The following BCAS3 variants were observed in gnomAD, a reference collection of about 807,000 sequenced individuals.
BCAS3 encodes the protein BCAS3 microtubule associated cell migration factor, also known as BCAS4/BCAS3 fusion.
BCAS3 carries 53 observed loss-of-function variants against 116.1 expected under a neutral mutation model. The observed-to-expected ratio is 0.46, with a 90% CI of 0.37 to 0.57. The LOEUF (loss-of-function observed/expected upper bound fraction) is 0.57, where lower values mean the gene tolerates loss of function less well. BCAS3 is among the 20% of genes least tolerant of loss of function. The pLI is 0.00. For synonymous variants in BCAS3, 391 were observed against 408.2 expected (o/e 0.96, Z 0.51); for missense variants, 917 against 1,165.4 (o/e 0.79, Z 3.10).
intron 22 of BCAS3, among the ~76,000 whole-genome samples, chr17:61,177,799 C>G (rs1191443769): frequency 1.3e-5 from 2 of 152,102 alleles, no homozygotes; most frequent in Non-Finnish European, 2.9e-5. Context: ...ATTATGTATA[C>G]CAATTAATTT....
At chr17:60,949,814 C>G (rs2060735693) in intron 14 of BCAS3, among the ~76,000 whole-genome samples, 1 of 152,152 alleles carries the variant, frequency 6.6e-6, no homozygotes, top group Non-Finnish European at 1.5e-5. Flanking sequence ...TATAGTCTCA[C>G]TTTGGAGAAA....
At position 61,104,632 on chromosome 17, in the gene BCAS3, T is replaced by C. The variant is rs2074530111; in HGVS notation, c.2425+20068T>C. On this transcript the variant is annotated intron_variant, in intron 22 of 23. Coordinates refer to ENST00000407086, the MANE Select transcript of BCAS3 (RefSeq NM_017679.5). The surrounding 1 kb of genome is among the most constrained non-coding windows in gnomAD (Gnocchi z 4.1). ...GCGCCTTGAGCTCCAAATCGGGTAT[T>C]ACATGTCACCCTGTGAAAGATCCTC... 6.6e-6 allele frequency among the ~76,000 whole-genome samples: 1 copy of C among 152,198 alleles called. No individual in the cohort carries two copies. Among genetic ancestry groups the C allele is most frequent in the Non-Finnish European group, 1.5e-5 (1 of 68,034 alleles).
At chr17:60,989,893 A>G (rs1245201417) in intron 14 of BCAS3, 78 bp from the exon 15 acceptor site, 18 of 1,442,196 alleles carry the variant, frequency 1.2e-5, no homozygotes, top group Admixed American at 1.9e-5. Context: ...TTATATTCAT[A>G]TTTGGTGATG....
intron 22 of BCAS3, among the ~76,000 whole-genome samples, chr17:61,360,010 C>CTT (rs372435627): frequency 0.23 from 32,718 of 140,444 alleles, 4,658 homozygotes; most frequent in East Asian, 0.53. Flanking sequence ...CATAACTTTT[C>CTT]TTTTTTTTTT....
chr17:60,997,783 A>G (rs1443017804), intron 15 of BCAS3, among the ~76,000 whole-genome samples: 1 of 152,164 alleles, frequency 6.6e-6, no homozygotes, highest in Non-Finnish European at 1.5e-5. Flanking sequence ...GTTGAATTTC[A>G]TATATTTGCT....
chr17:60,893,670 G>A (rs1039434008), intron 10 of BCAS3, among the ~76,000 whole-genome samples: 10 of 145,364 alleles, frequency 6.9e-5, no homozygotes, highest in Non-Finnish European at 1.3e-4. Context: ...GTGCAGTGGC[G>A]TAATCTCTGC....
At chr17:61,190,142 A>G (rs1183774684) in intron 22 of BCAS3, among the ~76,000 whole-genome samples, 4 of 152,204 alleles carry the variant, frequency 2.6e-5, no homozygotes, top group Non-Finnish European at 5.9e-5. Context: ...TCATTGCTTT[A>G]TAACAGTAAG....
chr17:60,816,804 T>C (rs900445314), intron 7 of BCAS3, among the ~76,000 whole-genome samples: 3 of 152,180 alleles, frequency 2.0e-5, no homozygotes, highest in Admixed American at 2.0e-4. Flanking sequence ...AAATGCAACA[T>C]ATTGTTTTAG....
In BCAS3 at chr17:61,239,644, G is replaced by C. The variant is rs535147770; in HGVS notation, c.2426-128683G>C. 6.6e-6 allele frequency among the ~76,000 whole-genome samples: 1 copy of C among 152,310 alleles called. No individual in the cohort carries two copies. Among genetic ancestry groups the C allele is most frequent in the African/African-American group, 2.4e-5 (1 of 41,574 alleles). On this transcript the variant is annotated intron_variant, in intron 22 of 23. Coordinates refer to ENST00000407086, the MANE Select transcript of BCAS3 (RefSeq NM_017679.5). This position sits in a 1 kb window ranked among gnomAD's most constrained non-coding sequence, Gnocchi z 4.2. The stretch of plus-strand genomic sequence containing the variant: ...GAGTAGCAGAGGATAACATGCAACT[G>C]TTAAGATCTAGATCATGCTAAAAGT...
chr17:61,030,036 T>C (rs2066518869), intron 16 of BCAS3, among the ~76,000 whole-genome samples: 1 of 152,094 alleles, frequency 6.6e-6, no homozygotes, highest in African/African-American at 2.4e-5. Context: ...TTCTCCCATT[T>C]AGGTCTTATG....
At chr17:61,109,152 C>G (rs2074882147) in intron 22 of BCAS3, among the ~76,000 whole-genome samples, 1 of 149,812 alleles carries the variant, frequency 6.7e-6, no homozygotes, top group South Asian at 2.1e-4. Flanking sequence ...CACCACTGCA[C>G]TCCAGCCTCA....
intron 22 of BCAS3, among the ~76,000 whole-genome samples, chr17:61,157,164 T>C (rs992533386): frequency 1.3e-5 from 2 of 152,182 alleles, no homozygotes; most frequent in Non-Finnish European, 2.9e-5. Flanking sequence ...GATTTGGATA[T>C]CAAAAGATGT....
chr17:61,299,716 G>C lies in BCAS3; in HGVS notation c.2426-68611G>C, dbSNP rs550316454. 2.8e-4 allele frequency among the ~76,000 whole-genome samples: 43 copies of C among 152,310 alleles called. No homozygotes were observed. In the South Asian group the frequency reaches 8.9e-3, roughly 32 times the overall value. On this transcript the variant is annotated intron_variant, in intron 22 of 23. Transcript: ENST00000407086. ...ACACAGCAAGTGAGTGATGAGCCAG[G>C]ATTAGGAACAATCCAGGTGGTAATG...
chr17:60,753,017 A>C (rs942358852), intron 6 of BCAS3, among the ~76,000 whole-genome samples: 1 of 66,630 alleles, frequency 1.5e-5, no homozygotes, highest in African/African-American at 2.7e-5. Context: ...GCTAATTTTT[A>C]AATTTTTTGT....
chr17:61,357,159 A>G (rs905253639), intron 22 of BCAS3, among the ~76,000 whole-genome samples: 3 of 150,406 alleles, frequency 2.0e-5, no homozygotes, highest in Non-Finnish European at 4.4e-5. Flanking sequence ...TAATCCCAGC[A>G]CTTCAGGAGG....
intron 22 of BCAS3, among the ~76,000 whole-genome samples, chr17:61,234,867 C>T (rs1407830328): frequency 6.9e-6 from 1 of 145,786 alleles, no homozygotes; most frequent in African/African-American, 2.4e-5. Flanking sequence ...TAGGCTTTGT[C>T]CTAAGCACTT....
rs781555284 is a variant in BCAS3, at chr17:61,380,542, CT to C, written c.2594-11434del. The C allele has an allele frequency of 1.7e-5, 27 of 1,598,146 alleles. No homozygotes were observed. Among genetic ancestry groups the C allele is most frequent in the South Asian group, 3.3e-5 (3 of 91,074 alleles). ...GACGTAGCAGTAAAAACCTTCCCCC[CT>C]GAGAGACACGTGGCAGTGAAGTGTT... is the stretch of plus-strand genomic sequence containing the variant. On this transcript the variant is annotated intron_variant, in intron 23 of 23. Coordinates refer to ENST00000407086, the MANE Select transcript of BCAS3 (RefSeq NM_017679.5). This position sits in a 1 kb window ranked among gnomAD's most constrained non-coding sequence, Gnocchi z 4.2.
At position 61,347,198 on chromosome 17, in the gene BCAS3, C is replaced by G. The variant is rs1253809947; in HGVS notation, c.2426-21129C>G. 3.9e-5 allele frequency among the ~76,000 whole-genome samples: 6 copies of G among 152,216 alleles called. No individual in the cohort carries two copies. The highest frequency in any genetic ancestry group is 1.5e-5 in the Non-Finnish European group (1 of 68,044). On this transcript the variant is annotated intron_variant, in intron 22 of 23. Coordinates refer to ENST00000407086, the MANE Select transcript of BCAS3 (RefSeq NM_017679.5). The surrounding 1 kb of genome is among the most constrained non-coding windows in gnomAD (Gnocchi z 4.3). ...CAAGCGATTCTCCTGCCTCCCGCCT[C>G]AGCCTCCCGAGTAGCTGGGATTACA...
chr17:60,996,740 G>T (rs1175683401), intron 15 of BCAS3, among the ~76,000 whole-genome samples: 1 of 152,152 alleles, frequency 6.6e-6, no homozygotes, highest in African/African-American at 2.4e-5. Context: ...AGGTAAGTGA[G>T]TATAAAAAAG....
Sources: gnomAD v4.1 joint callset for allele counts (sites outside exome capture counted in the v4.1 genomes callset) on GRCh38, gnomAD v4.1.1 for gene constraint, Gnocchi (gnomAD v3.1) non-coding constraint, MANE v1.5 for transcripts, NCBI Gene and HGNC (gene_info 2026-07-23, HGNC 2026-07-21) for gene names.